XRCC5: variants seen among roughly 807,000 people sequenced by gnomAD.
XRCC5 encodes the protein DNA repair protein Ku80.
XRCC5 carries 12 observed loss-of-function variants against 95.7 expected under a neutral mutation model. That is an observed-to-expected ratio of 0.13 (90% CI 0.08 to 0.20). The LOEUF is 0.20. Ranked by LOEUF, XRCC5 falls within the 10% of genes least tolerant of loss-of-function variation. The probability of loss-of-function intolerance (pLI) is 1.00; values close to 1 mark genes in which losing one functional copy is unlikely to be tolerated. For missense variants in XRCC5, 595 were observed against 873.9 expected (o/e 0.68, Z 4.02); for synonymous variants, 281 against 290.3 (o/e 0.97, Z 0.33).
chr2:216,134,818 C>T (rs1230483782), intron 10 of XRCC5, among the ~76,000 whole-genome samples: 1 of 152,178 alleles, frequency 6.6e-6, no homozygotes, highest in African/African-American at 2.4e-5. Flanking sequence ...TAATCTCTTC[C>T]TCAGATTCTC....
At chr2:216,142,145 G>T (rs1025079774) in intron 13 of XRCC5, among the ~76,000 whole-genome samples, 7 of 151,824 alleles carry the variant, frequency 4.6e-5, no homozygotes, top group Non-Finnish European at 8.8e-5. Flanking sequence ...GTATACCATT[G>T]CCCCCAGCCA....
At chr2:216,160,356 A>G (rs1005568231) in intron 15 of XRCC5, among the ~76,000 whole-genome samples, 195 bp downstream of exon 15, 3 of 152,220 alleles carry the variant, frequency 2.0e-5, no homozygotes, top group Non-Finnish European at 2.9e-5. Flanking sequence ...TGAATTGCCT[A>G]CAGAATTATC....
intron 16 of XRCC5, among the ~76,000 whole-genome samples, chr2:216,163,083 G>A (rs1425751063): frequency 6.6e-6 from 1 of 151,996 alleles, no homozygotes; most frequent in Non-Finnish European, 1.5e-5. Flanking sequence ...GTTTATGTTT[G>A]TTCATGTGTG....
At chr2:216,195,926 T>C (rs535413157) in intron 19 of XRCC5, among the ~76,000 whole-genome samples, 3 of 152,170 alleles carry the variant, frequency 2.0e-5, no homozygotes, top group Non-Finnish European at 2.9e-5. Flanking sequence ...ACAGCACCCC[T>C]GCCCTCTAGA....
Position 216,138,078 on chromosome 2 carries a change from T to G in XRCC5, c.1252-11T>G. The G allele has an allele frequency of 6.3e-7, 1 of 1,595,578 alleles. No individual in the cohort carries two copies. The highest frequency in any genetic ancestry group is 1.1e-5 in the South Asian group (1 of 89,262). On this transcript the variant is annotated splice_polypyrimidine_tract_variant and intron_variant, in intron 11 of 20. Coordinates refer to ENST00000392132, the MANE Select transcript of XRCC5 (RefSeq NM_021141.4). ...ATCGTTTCTGCTTTTACCCCCTTTC[T>G]TTCTCATTAGTGTTTAGTGTATGTG...
intron 14 of XRCC5, among the ~76,000 whole-genome samples, chr2:216,153,357 TTG>T (rs1188975018): frequency 6.6e-6 from 1 of 152,208 alleles, no homozygotes. Flanking sequence ...GGGGCTGCTT[TTG>T]TGTGTTTTTG....
chr2:216,164,601 G>A (rs1337375210), intron 16 of XRCC5, among the ~76,000 whole-genome samples: 2 of 152,148 alleles, frequency 1.3e-5, no homozygotes, highest in East Asian at 1.9e-4. Context: ...CAGAGGCTTC[G>A]GAGGAAAGGA....
intron 6 of XRCC5, among the ~76,000 whole-genome samples, chr2:216,123,388 G>A (rs1034220405): frequency 5.3e-5 from 8 of 152,206 alleles, no homozygotes; most frequent in Non-Finnish European, 1.0e-4. Context: ...GGAATCCTGT[G>A]AGGTGAAGTT....
intron 14 of XRCC5, among the ~76,000 whole-genome samples, 190 bp from the exon 15 acceptor site, chr2:216,159,878 A>G (rs1331348298): frequency 6.6e-6 from 1 of 152,178 alleles, no homozygotes; most frequent in Non-Finnish European, 1.5e-5. Flanking sequence ...GTGGCTAGGA[A>G]AGGGAGGCAG....
At position 216,125,963 on chromosome 2, in the gene XRCC5, T is replaced by C; in HGVS notation, c.730T>C (p.Ser244Pro). 1 of 1,614,056 alleles carries C rather than the reference T, an allele frequency of 6.2e-7. No homozygotes were observed. The highest frequency in any genetic ancestry group is 8.5e-7 in the Non-Finnish European group (1 of 1,179,902). ...CGTCTTCAAGAAAATTGAGAGGCATTCCATTCACTGGCCCTGCCGACTGAC... is the reference window on the plus strand; with the variant it reads ...CGTCTTCAAGAAAATTGAGAGGCATCCCATTCACTGGCCCTGCCGACTGAC... ...LCVFKKIERH[S>P]IHWPCRLTIG... The change falls in exon 7 of 21, where the codon TCC becomes CCC. Residue 244 changes from serine to proline, a missense_variant. Transcript: ENST00000392132.
At chr2:216,125,802 T>C in intron 6 of XRCC5, 115 bp from the exon 7 acceptor site, 1 of 806,532 alleles carries the variant, frequency 1.2e-6, no homozygotes, top group Non-Finnish European at 1.9e-6. Context: ...TCCTGCTGTT[T>C]CTCTCTTTAT....
chr2:216,167,690 T>C (rs890267361), intron 16 of XRCC5, among the ~76,000 whole-genome samples: 2 of 151,716 alleles, frequency 1.3e-5, no homozygotes, highest in Non-Finnish European at 2.9e-5. Flanking sequence ...CCCAGATAGA[T>C]AAGAAGATAA....
intron 16 of XRCC5, among the ~76,000 whole-genome samples, chr2:216,174,088 A>C (rs985949110): frequency 6.6e-6 from 1 of 152,134 alleles, no homozygotes; most frequent in African/African-American, 2.4e-5. Context: ...GATTTCTATT[A>C]TTTATTCTTT....
In XRCC5 at chr2:216,124,984, G is replaced by A. The variant is rs538482996; in HGVS notation, c.684-933G>A. On this transcript the variant is annotated intron_variant, in intron 6 of 20. Coordinates refer to ENST00000392132, the MANE Select transcript of XRCC5 (RefSeq NM_021141.4). Reference sequence around the variant, plus strand: ...GCTTTTCCCACCAGTAAGAAACCTAGAGTTAACGTGCTTTACCTTGAGACT... The same window carrying A: ...GCTTTTCCCACCAGTAAGAAACCTAAAGTTAACGTGCTTTACCTTGAGACT... Among the ~76,000 whole-genome samples, 18 of 152,272 alleles carry A rather than the reference G, an allele frequency of 1.2e-4. 2 individuals are homozygous for A. The South Asian group carries it at 3.7e-3, about 32-fold the overall frequency.
At chr2:216,169,360 G>T (rs1337925665) in intron 16 of XRCC5, among the ~76,000 whole-genome samples, 1 of 152,192 alleles carries the variant, frequency 6.6e-6, no homozygotes, top group Non-Finnish European at 1.5e-5. Context: ...ATGCAAATGT[G>T]CCATCTTTGT....
intron 6 of XRCC5, among the ~76,000 whole-genome samples, 191 bp downstream of exon 6, chr2:216,122,444 CAT>C (rs1299667862): frequency 1.3e-5 from 2 of 152,140 alleles, no homozygotes; most frequent in South Asian, 2.1e-4. Flanking sequence ...GTTCTTGGCA[CAT>C]GTTTCTCATT....
chr2:216,194,803 T>G, intron 18 of XRCC5, 116 bp from the exon 19 acceptor site: 1 of 965,222 alleles, frequency 1.0e-6, no homozygotes, highest in East Asian at 2.4e-5. Flanking sequence ...GGACCCTGTC[T>G]CTATTTAAAA....
intron 16 of XRCC5, among the ~76,000 whole-genome samples, chr2:216,188,521 T>G (rs1689551352): frequency 6.6e-6 from 1 of 152,210 alleles, no homozygotes; most frequent in South Asian, 2.1e-4. Context: ...CCTATTCTCA[T>G]TTCAAAAGAA....
At chr2:216,174,156 T>C (rs1260228622) in intron 16 of XRCC5, among the ~76,000 whole-genome samples, 1 of 146,148 alleles carries the variant, frequency 6.8e-6, no homozygotes, top group African/African-American at 2.6e-5. Flanking sequence ...GGAGCTTTTG[T>C]TTTGTTTTGT....
Sources: gnomAD v4.1 joint callset for allele counts (sites outside exome capture counted in the v4.1 genomes callset) on GRCh38, gnomAD v4.1.1 for gene constraint, MANE v1.5 for transcripts, NCBI Gene and HGNC (gene_info 2026-07-23, HGNC 2026-07-21) for gene names.